AGAP4: variants seen among roughly 807,000 people sequenced by gnomAD.
AGAP4 encodes the protein arf-GAP with GTPase, ANK repeat and PH domain-containing protein 4.
A neutral mutation model predicts 60.7 loss-of-function variants in AGAP4; 13 were observed. The ratio of observed to expected loss-of-function variants is 0.21; its 90% CI spans 0.14 to 0.34. The LOEUF (loss-of-function observed/expected upper bound fraction) is 0.34. AGAP4 is among the 10% of genes least tolerant of loss of function. The pLI is 1.00. For synonymous variants in AGAP4, 70 were observed against 339.0 expected (o/e 0.21, Z 8.72); for missense variants, 169 against 884.0 (o/e 0.19, Z 10.26).
At chr10:45,847,526 CGGCTAGGGCTGCG>C, upstream of AGAP4, 1 of 1,500,154 alleles carries the variant, frequency 6.7e-7, no homozygotes, top group South Asian at 1.2e-5. Context: ...GCCCCGGCCC[CGGCTAGGGCTGCG>C]GGCCAAGGCC....
At chr10:45,831,995 T>C (rs1554897205) in intron 5 of AGAP4, among the ~76,000 whole-genome samples, 1 of 140,952 alleles carries the variant, frequency 7.1e-6, no homozygotes, top group East Asian at 2.1e-4. Flanking sequence ...CCACAACCTC[T>C]GCCTCCCAGG....
upstream of AGAP4, among the ~76,000 whole-genome samples, chr10:45,849,470 GATGATT>G (rs1165641727): frequency 3.9e-4 from 57 of 146,622 alleles, no homozygotes; most frequent in Non-Finnish European, 5.7e-4. Context: ...TGATGATGAT[GATGATT>G]ATTATTATTA....
rs1330672609 is a variant in AGAP4, at chr10:45,843,238, A to G, written c.361+1088T>C. On this transcript the variant is annotated intron_variant, in intron 3 of 7. Transcript: ENST00000616763. ...CTTGAACCTGGGAGATGGAGGTTGT[A>G]GTGAGCCAAGATCGTGCCATTGCAC... 8.5e-3 allele frequency among the ~76,000 whole-genome samples: 848 copies of G among 100,254 alleles called. 1 individual carries two copies. Among genetic ancestry groups the G allele is most frequent in the African/African-American group, 0.037 (788 of 21,098 alleles). 65.8% of individuals were successfully genotyped at this position (100,254 alleles called of 152,430 possible). A position where few individuals can be genotyped will look rare whatever the true frequency, so the allele number is the denominator to read the frequency against.
At position 45,847,500 on chromosome 10, in the gene AGAP4, C is replaced by G; in HGVS notation, c.-153G>C. 4 of 1,524,148 alleles carry G rather than the reference C, an allele frequency of 2.6e-6. No individual in the cohort carries two copies. The highest frequency in any genetic ancestry group is 3.5e-6 in the Non-Finnish European group (4 of 1,143,660). 94.4% of individuals were successfully genotyped at this position (1,524,148 alleles called of 1,614,324 possible). On this transcript the variant is annotated 5_prime_UTR_variant, in exon 1 of 8. Transcript: ENST00000616763. The stretch of plus-strand genomic sequence containing the variant: ...TCACAGCGCGGCCCCGGGCACCAGC[C>G]CTGGCCCTGGCCCTGGCCCCGGCCC...
At chr10:45,845,698 G>A (rs1175520804) in intron 2 of AGAP4, among the ~76,000 whole-genome samples, 1 of 98,952 alleles carries the variant, frequency 1.0e-5, no homozygotes, top group Non-Finnish European at 2.1e-5. Flanking sequence ...CACCTCCCAG[G>A]TCCAAGCAAT....
intron 5 of AGAP4, 119 bp from the exon 6 acceptor site, chr10:45,831,548 T>A: frequency 1.2e-6 from 1 of 845,770 alleles, no homozygotes; most frequent in Non-Finnish European, 1.9e-6. Flanking sequence ...ATCTTCTAGT[T>A]CAGAACAGTA....
chr10:45,834,457 C>T lies in AGAP4; in HGVS notation c.397-341G>A, dbSNP rs1191635828. On this transcript the variant is annotated intron_variant, in intron 4 of 7. Transcript: ENST00000616763. ...TTGGGAGGTGGAGGCGGGCGGATCA[C>T]GAGGTCAAGAGATCGAGACCATCCT... is the stretch of plus-strand genomic sequence containing the variant. Among the ~76,000 whole-genome samples the T allele has an allele frequency of 1.7e-3, 238 of 137,424 alleles. 2 individuals carry two copies. The highest frequency in any genetic ancestry group is 3.4e-3 in the Admixed American group (48 of 14,180). The allele number at this position is 137,424 out of a possible 152,430, so 90.2% of individuals were successfully genotyped here.
At chr10:45,847,992 T>C (rs1156972784), upstream of AGAP4, 34 of 1,013,868 alleles carry the variant, frequency 3.4e-5, no homozygotes, top group Non-Finnish European at 3.9e-5. Flanking sequence ...CTTGAAGCCA[T>C]CTTCCTCTAT....
upstream of AGAP4, among the ~76,000 whole-genome samples, chr10:45,849,467 G>GATTATT (rs1247329457): frequency 2.4e-4 from 33 of 137,980 alleles, no homozygotes; most frequent in South Asian, 9.2e-4. Flanking sequence ...AGATGATGAT[G>GATTATT]ATGATGATTA....
chr10:45,852,377 G>A (rs2059096056), upstream of AGAP4, among the ~76,000 whole-genome samples: 3 of 131,846 alleles, frequency 2.3e-5, no homozygotes, highest in South Asian at 9.4e-4. Context: ...AAAGCAATTT[G>A]AGCAAAAATC....
At chr10:45,843,383 C>T (rs2135958513) in intron 3 of AGAP4, among the ~76,000 whole-genome samples, 2 of 118,724 alleles carry the variant, frequency 1.7e-5, no homozygotes, top group African/African-American at 6.9e-5. Flanking sequence ...TTCCCCTTTG[C>T]CTTTTATCAT....
At chr10:45,851,274 G>A (rs1253240978), upstream of AGAP4, among the ~76,000 whole-genome samples, 5 of 152,028 alleles carry the variant, frequency 3.3e-5, no homozygotes, top group African/African-American at 1.2e-4. Context: ...AGTGAGCACT[G>A]AGACTCAAGA....
chr10:45,841,096 T>C (rs2058908692), intron 4 of AGAP4, among the ~76,000 whole-genome samples: 1 of 87,622 alleles, frequency 1.1e-5, no homozygotes, highest in South Asian at 6.3e-4. Flanking sequence ...GATTAAATAT[T>C]TAAGGCAATT....
intron 4 of AGAP4, among the ~76,000 whole-genome samples, chr10:45,838,708 C>A (rs1398765597): frequency 6.6e-6 from 1 of 151,334 alleles, no homozygotes; most frequent in Non-Finnish European, 1.5e-5. Flanking sequence ...GTAGGTAATA[C>A]GAAAGGCGCA....
At position 45,841,701 on chromosome 10, in the gene AGAP4, A is replaced by T; in HGVS notation, c.362-14T>A. 1 of 818,532 alleles carries T rather than the reference A, an allele frequency of 1.2e-6. No homozygotes were observed. Among genetic ancestry groups the T allele is most frequent in the Non-Finnish European group, 1.8e-6 (1 of 541,214 alleles). The allele number at this position is 818,532 out of a possible 1,614,324, so 50.7% of individuals were successfully genotyped here. A position where few individuals can be genotyped will look rare whatever the true frequency, so the allele number is the denominator to read the frequency against. On this transcript the variant is annotated splice_polypyrimidine_tract_variant and intron_variant, in intron 3 of 7. Coordinates refer to ENST00000616763, the MANE Select transcript of AGAP4 (RefSeq NM_001276343.3). ...TTATTTCTACAACTAAGAATAAAAAAAAAAAAACTGGTCACTTCTGATACA... is the reference window on the plus strand; with the variant it reads ...TTATTTCTACAACTAAGAATAAAAATAAAAAAACTGGTCACTTCTGATACA...
At chr10:45,828,985 C>T (rs1400412181) in intron 6 of AGAP4, among the ~76,000 whole-genome samples, 2 of 66,288 alleles carry the variant, frequency 3.0e-5, no homozygotes, top group Non-Finnish European at 5.9e-5. Context: ...GCCTGAGCCA[C>T]TGTGCCTGGC....
At position 45,834,396 on chromosome 10, in the gene AGAP4, C is replaced by T. The variant is rs372219537; in HGVS notation, c.397-280G>A. The stretch of plus-strand genomic sequence containing the variant: ...AAAATAATGGGAAAAGTCGGCTTCG[C>T]GGGGCACGGTGGCTCACACCTGTAA... On this transcript the variant is annotated intron_variant, in intron 4 of 7. Coordinates refer to ENST00000616763, the MANE Select transcript of AGAP4 (RefSeq NM_001276343.3). Among the ~76,000 whole-genome samples the T allele has an allele frequency of 1.2e-4, 17 of 142,276 alleles. No individual in the cohort carries two copies. The East Asian group carries it at 2.8e-3, about 24-fold the overall frequency. The allele number at this position is 142,276 out of a possible 152,430, so 93.3% of individuals were successfully genotyped here.
intron 3 of AGAP4, 141 bp downstream of exon 3, chr10:45,844,185 T>G (rs1332762136): frequency 1.2e-5 from 8 of 687,972 alleles, no homozygotes; most frequent in African/African-American, 5.7e-5. Context: ...GGAAAGTATA[T>G]CACATATTAA....
At chr10:45,851,339 A>G (rs1677746918), upstream of AGAP4, among the ~76,000 whole-genome samples, 1 of 152,016 alleles carries the variant, frequency 6.6e-6, no homozygotes, top group African/African-American at 2.4e-5. Flanking sequence ...AAAGGAGATG[A>G]TGCCTTCTTT....
Sources: gnomAD v4.1 joint callset for allele counts (sites outside exome capture counted in the v4.1 genomes callset) on GRCh38, gnomAD v4.1.1 for gene constraint, MANE v1.5 for transcripts, NCBI Gene and HGNC (gene_info 2026-07-23, HGNC 2026-07-21) for gene names.